Variants in DOCK2 observed in about 807,000 individuals in gnomAD.
DOCK2 encodes the protein dedicator of cytokinesis 2.
In DOCK2, 87 loss-of-function variants were observed where a neutral mutation model predicts 248.9. That is an observed-to-expected ratio of 0.35 (90% CI 0.29 to 0.42). The LOEUF is 0.42. Among genes scored for constraint, DOCK2 ranks in the 10% least tolerant of loss-of-function variants. DOCK2 has a pLI of 1.00. For missense variants in DOCK2, 1,747 were observed against 2,300.2 expected (o/e 0.76, Z 4.92); for synonymous variants, 805 against 821.6 (o/e 0.98, Z 0.35).
intron 26 of DOCK2, 120 bp from the exon 27 acceptor site, chr5:169,840,637 G>A (rs894469870): frequency 1.9e-5 from 14 of 721,398 alleles, no homozygotes; most frequent in African/African-American, 1.8e-4. Context: ...CAGTAGTGGT[G>A]GTGGTGTTGG....
chr5:170,014,796 G>A (rs561858012), intron 32 of DOCK2, among the ~76,000 whole-genome samples: 10 of 152,208 alleles, frequency 6.6e-5, no homozygotes, highest in African/African-American at 2.2e-4. Flanking sequence ...AATGGGTATG[G>A]GGAGGGAGCA....
intron 33 of DOCK2, among the ~76,000 whole-genome samples, chr5:170,025,605 A>G (rs1755874820): frequency 6.6e-6 from 1 of 152,296 alleles, no homozygotes; most frequent in African/African-American, 2.4e-5. Flanking sequence ...CTTGGCAGAG[A>G]AGACATCTCT....
intron 29 of DOCK2, among the ~76,000 whole-genome samples, chr5:169,992,832 T>C (rs1434529603): frequency 2.0e-5 from 3 of 151,954 alleles, no homozygotes; most frequent in South Asian, 2.1e-4. Context: ...AACCCAAACA[T>C]GGGCACCCAA....
intron 27 of DOCK2, among the ~76,000 whole-genome samples, chr5:169,856,974 G>A (rs990805231): frequency 5.3e-5 from 8 of 152,144 alleles, no homozygotes; most frequent in South Asian, 2.1e-4. Flanking sequence ...GTATACTTAC[G>A]GATTCTAAGA....
rs1012191838 is a variant in DOCK2, at chr5:169,672,195, A to G, written c.321+1021A>G. On this transcript the variant is annotated intron_variant, in intron 5 of 51. Coordinates refer to ENST00000520908, the MANE Select transcript of DOCK2 (RefSeq NM_004946.3). ...CTAATTTTTTGTATTTTTAGTAGAG[A>G]TGGGGTTTCATCATGTTGGTCAGGC... is the stretch of plus-strand genomic sequence containing the variant. Among the ~76,000 whole-genome samples the G allele has an allele frequency of 2.0e-5, 3 of 151,856 alleles. No homozygotes were observed. The East Asian group carries it at 5.8e-4, about 29-fold the overall frequency.
intron 26 of DOCK2, among the ~76,000 whole-genome samples, chr5:169,821,314 T>C (rs1768423270): frequency 6.6e-6 from 1 of 151,684 alleles, no homozygotes; most frequent in African/African-American, 2.4e-5. Flanking sequence ...AGACACATAA[T>C]TGTCACATTC....
At chr5:170,077,906 C>G (rs985056746) in intron 48 of DOCK2, 69 bp downstream of exon 48, 6 of 1,302,354 alleles carry the variant, frequency 4.6e-6, no homozygotes, top group South Asian at 2.6e-5. Flanking sequence ...CTCCTTCTCT[C>G]TCTTCTCCGG....
chr5:170,049,262 G>A (rs1196522422), intron 40 of DOCK2, among the ~76,000 whole-genome samples: 1 of 152,196 alleles, frequency 6.6e-6, no homozygotes, highest in Admixed American at 6.5e-5. Flanking sequence ...CTACAGGCAT[G>A]TGCCACCACG....
At chr5:169,744,236 A>C (rs957299014) in intron 22 of DOCK2, among the ~76,000 whole-genome samples, 2 of 152,248 alleles carry the variant, frequency 1.3e-5, no homozygotes, top group Non-Finnish European at 2.9e-5. Context: ...AGAGCAGATC[A>C]CTGCTCTCTT....
At chr5:169,906,479 T>TTGTTATGTTA (rs767598375) in intron 27 of DOCK2, among the ~76,000 whole-genome samples, 1 of 151,662 alleles carries the variant, frequency 6.6e-6, no homozygotes, top group African/African-American at 2.4e-5. Flanking sequence ...TTATTTTATT[T>TTGTTATGTTA]TGTTACGTTA....
intron 23 of DOCK2, among the ~76,000 whole-genome samples, chr5:169,755,396 GTAA>G (rs1764139394): frequency 2.0e-5 from 3 of 152,166 alleles, no homozygotes; most frequent in Admixed American, 2.0e-4. Flanking sequence ...TGGAATGAAA[GTAA>G]TAATGATACA....
At chr5:169,960,980 T>C (rs1160815205) in intron 27 of DOCK2, among the ~76,000 whole-genome samples, 3 of 152,176 alleles carry the variant, frequency 2.0e-5, no homozygotes, top group Non-Finnish European at 4.4e-5. Flanking sequence ...TATATATAGG[T>C]TCACTATCCA....
At chr5:170,014,249 A>G (rs1049606459) in intron 32 of DOCK2, among the ~76,000 whole-genome samples, 1 of 152,148 alleles carries the variant, frequency 6.6e-6, no homozygotes, top group Non-Finnish European at 1.5e-5. Flanking sequence ...AACATCGAGC[A>G]CTGTGGTAGG....
chr5:169,720,648 G>C (rs573191717), intron 22 of DOCK2, among the ~76,000 whole-genome samples: 1 of 152,166 alleles, frequency 6.6e-6, no homozygotes, highest in African/African-American at 2.4e-5. Context: ...GACACTGAGC[G>C]GCTCCCCTTC....
intron 25 of DOCK2, among the ~76,000 whole-genome samples, chr5:169,784,090 G>A (rs1248680482): frequency 2.0e-5 from 3 of 151,796 alleles, no homozygotes; most frequent in South Asian, 2.1e-4. Flanking sequence ...GGGCAGTCAG[G>A]TTCTGTTGTG....
At chr5:169,701,938 G>A (rs904667420) in intron 13 of DOCK2, among the ~76,000 whole-genome samples, 1 of 152,216 alleles carries the variant, frequency 6.6e-6, no homozygotes, top group African/African-American at 2.4e-5. Context: ...AATATCGGCA[G>A]ATGTATATGT....
chr5:170,057,984 A>G (rs552186190), intron 44 of DOCK2, among the ~76,000 whole-genome samples: 15 of 151,848 alleles, frequency 9.9e-5, no homozygotes, highest in African/African-American at 3.4e-4. Flanking sequence ...AATCATTTCC[A>G]TCTCCCCCTC....
At chr5:169,740,453 T>G (rs774571461) in intron 22 of DOCK2, among the ~76,000 whole-genome samples, 1 of 152,264 alleles carries the variant, frequency 6.6e-6, no homozygotes, top group African/African-American at 2.4e-5. Context: ...TTCCTGGTGT[T>G]ATTTACAGGA....
rs200070944 is a variant in DOCK2 at position 169,840,835 on chromosome 5, C to T, written c.2782C>T (p.Arg928Trp). The T allele has an allele frequency of 1.5e-5, 25 of 1,613,750 alleles. No individual in the cohort carries two copies. Among genetic ancestry groups the T allele is most frequent in the African/African-American group, 5.3e-5 (4 of 74,890 alleles). The change falls in exon 27 of 52, where the codon CGG becomes TGG. Residue 928 changes from arginine to tryptophan, a missense_variant. Physicochemically the swap from Arg to Trp is moderately radical, Grantham distance 101. This residue lies in a region of DOCK2 where 858 missense variants were observed against 1,183.5 expected (regional missense o/e 0.72). Coordinates refer to ENST00000520908, the MANE Select transcript of DOCK2 (RefSeq NM_004946.3). Reference sequence around the variant, plus strand: ...GAACCGGACAGTCATCACCATGGGCCGGGATCACATTCTGATTGTGAGTGG... The same window carrying T: ...GAACCGGACAGTCATCACCATGGGCTGGGATCACATTCTGATTGTGAGTGG... ...TVNRTVITMG[R>W]DHILISHFVA...
Sources: allele counts gnomAD v4.1 joint callset (sites outside exome capture counted in the v4.1 genomes callset), GRCh38; gene constraint gnomAD v4.1.1; regional missense constraint gnomAD v4.1.1; transcripts MANE v1.5; gene names NCBI Gene and HGNC (gene_info 2026-07-23, HGNC 2026-07-21).